PUS7: variants seen among roughly 807,000 people sequenced by gnomAD.
PUS7 encodes the protein pseudouridine synthase 7, also known as pseudouridylate synthase 7 homolog.
PUS7 carries 48 observed loss-of-function variants against 79.8 expected under a neutral mutation model. The observed-to-expected ratio is 0.60, with a 90% CI of 0.48 to 0.76. PUS7 has a LOEUF of 0.76. Ranked by LOEUF, PUS7 falls within the 30% of genes least tolerant of loss-of-function variation. PUS7 has a pLI of 0.00. For synonymous variants in PUS7, 286 were observed against 272.2 expected, an observed-to-expected ratio of 1.05 and a Z score of -0.50; for missense variants, 729 against 797.6, an observed-to-expected ratio of 0.91 and a Z score of 1.04.
At chr7:105,493,997 G>A (rs1426009761) in intron 6 of PUS7, among the ~76,000 whole-genome samples, 1 of 152,178 alleles carries the variant, frequency 6.6e-6, no homozygotes, top group Admixed American at 6.5e-5. Flanking sequence ...TTGCTGTGGT[G>A]TGTAGCCACT....
At chr7:105,500,006 A>C (rs901896202) in intron 5 of PUS7, among the ~76,000 whole-genome samples, 2 of 152,106 alleles carry the variant, frequency 1.3e-5, no homozygotes, top group Non-Finnish European at 2.9e-5. Flanking sequence ...GGTCTATAAA[A>C]ATGAATGCAG....
intron 7 of PUS7, among the ~76,000 whole-genome samples, chr7:105,486,879 G>A (rs1824571794): frequency 6.6e-6 from 1 of 151,738 alleles, no homozygotes. Flanking sequence ...GGCCATCCTG[G>A]TGAAACCCCG....
intron 1 of PUS7, among the ~76,000 whole-genome samples, chr7:105,513,879 C>T (rs1362333473): frequency 1.4e-5 from 2 of 140,402 alleles, no homozygotes; most frequent in African/African-American, 5.1e-5. Flanking sequence ...ATTTACATAG[C>T]TGAACTGTAT....
At chr7:105,460,218 G>A (rs565806711) in intron 14 of PUS7, among the ~76,000 whole-genome samples, 17 of 152,246 alleles carry the variant, frequency 1.1e-4, no homozygotes, top group African/African-American at 2.9e-4. Context: ...GATTACAGGC[G>A]TGAGCCACCG....
At chr7:105,519,058 G>T (rs1026286750) in intron 1 of PUS7, among the ~76,000 whole-genome samples, 6 of 151,556 alleles carry the variant, frequency 4.0e-5, no homozygotes, top group African/African-American at 9.7e-5. Flanking sequence ...CTGAGCCACC[G>T]CGCCCAGCCT....
At chr7:105,486,854 G>C (rs1384049770) in intron 7 of PUS7, among the ~76,000 whole-genome samples, 1 of 151,936 alleles carries the variant, frequency 6.6e-6, no homozygotes, top group Admixed American at 6.6e-5. Context: ...GAGATGAGGA[G>C]TTCGAGACCA....
At chr7:105,491,459 C>T (rs1824776069) in intron 7 of PUS7, 81 bp downstream of exon 7, 1 of 869,724 alleles carries the variant, frequency 1.1e-6, no homozygotes, top group Non-Finnish European at 1.7e-6. Context: ...GAGAGAGAAA[C>T]CCCCAAAGTA....
At chr7:105,472,799 G>A (rs951989779) in intron 9 of PUS7, among the ~76,000 whole-genome samples, 1 of 151,842 alleles carries the variant, frequency 6.6e-6, no homozygotes, top group East Asian at 1.9e-4. Context: ...TGTTGCCCAG[G>A]CTGGAGTGCA....
chr7:105,505,236 CAA>C (rs1257967623), intron 4 of PUS7, among the ~76,000 whole-genome samples: 2 of 152,080 alleles, frequency 1.3e-5, no homozygotes, highest in Non-Finnish European at 2.9e-5. Flanking sequence ...CTCCTGACCT[CAA>C]GTGATCCGCC....
intron 5 of PUS7, among the ~76,000 whole-genome samples, chr7:105,501,307 C>T (rs554039890): frequency 1.3e-5 from 2 of 152,144 alleles, no homozygotes; most frequent in Admixed American, 1.3e-4. Flanking sequence ...TTCATTAATA[C>T]AGGCCACCGC....
chr7:105,511,766 AAACAAAACG>A (rs917706297), intron 1 of PUS7, among the ~76,000 whole-genome samples: 1 of 152,102 alleles, frequency 6.6e-6, no homozygotes, highest in African/African-American at 2.4e-5. Flanking sequence ...ATCTCAAACA[AAACAAAACG>A]AACAAAACAA....
chr7:105,518,107 C>T (rs1212458183), intron 1 of PUS7, among the ~76,000 whole-genome samples: 1 of 151,968 alleles, frequency 6.6e-6, no homozygotes, highest in African/African-American at 2.4e-5. Context: ...GAGATTGCGC[C>T]ACTGCACTCC....
chr7:105,460,957 T>C (rs1823403734), intron 14 of PUS7, among the ~76,000 whole-genome samples: 1 of 151,878 alleles, frequency 6.6e-6, no homozygotes, highest in Non-Finnish European at 1.5e-5. Context: ...AGCCTCGACC[T>C]TCCAGGCTCA....
intron 1 of PUS7, among the ~76,000 whole-genome samples, chr7:105,510,087 G>T (rs1466486071): frequency 6.6e-6 from 1 of 152,156 alleles, no homozygotes. Flanking sequence ...GATCACCTGA[G>T]GTCGGGAGTT....
At chr7:105,470,644 T>G in intron 11 of PUS7, 44 bp downstream of exon 11, 1 of 1,499,360 alleles carries the variant, frequency 6.7e-7, no homozygotes, top group Non-Finnish European at 9.0e-7. Flanking sequence ...TAAAAAGCAT[T>G]AAAACGCCTT....
At chr7:105,491,190 A>T (rs1176118754) in intron 7 of PUS7, among the ~76,000 whole-genome samples, 1 of 152,208 alleles carries the variant, frequency 6.6e-6, no homozygotes, top group African/African-American at 2.4e-5. Context: ...TCCACTAATT[A>T]TAATTGCTTC....
At chr7:105,517,560 C>T (rs951229598) in intron 1 of PUS7, among the ~76,000 whole-genome samples, 4 of 152,164 alleles carry the variant, frequency 2.6e-5, no homozygotes, top group African/African-American at 9.7e-5. Flanking sequence ...ATAATTTTAA[C>T]AGTATTTTAA....
chr7:105,464,927 T>C (rs1362273286), intron 13 of PUS7, among the ~76,000 whole-genome samples: 1 of 149,426 alleles, frequency 6.7e-6, no homozygotes, highest in Admixed American at 6.7e-5. Context: ...CAAGATATCC[T>C]TCCACCTCAG....
intron 1 of PUS7, among the ~76,000 whole-genome samples, chr7:105,509,184 CAAAAAAAAA>C (rs57095427): frequency 1.3e-4 from 7 of 55,718 alleles, no homozygotes; most frequent in Admixed American, 6.6e-4. Context: ...GACTCCATCT[CAAAAAAAAA>C]AAAAAAAAAA....
Sources: gnomAD v4.1 joint callset for allele counts (sites outside exome capture counted in the v4.1 genomes callset) on GRCh38, gnomAD v4.1.1 for gene constraint, MANE v1.5 for transcripts, NCBI Gene and HGNC (gene_info 2026-07-23, HGNC 2026-07-21) for gene names.